Variants in HS3ST5 observed in about 807,000 individuals in gnomAD.
The protein encoded by HS3ST5 is heparan sulfate glucosamine 3-O-sulfotransferase 5.
A neutral mutation model predicts 25.4 loss-of-function variants in HS3ST5; 10 were observed. That is an observed-to-expected ratio of 0.39 (90% CI 0.24 to 0.67). HS3ST5 has a LOEUF of 0.67. HS3ST5 is among the 30% of genes least tolerant of loss of function. HS3ST5 has a pLI of 0.44. For synonymous variants in HS3ST5, 170 were observed against 162.4 expected, an observed-to-expected ratio of 1.05 and a Z score of -0.36; for missense variants, 324 against 420.7, an observed-to-expected ratio of 0.77 and a Z score of 2.01.
intron 3 of HS3ST5, among the ~76,000 whole-genome samples, chr6:114,163,820 C>G (rs7762243): frequency 0.079 from 12,075 of 152,076 alleles, 560 homozygotes; most frequent in African/African-American, 0.12. Flanking sequence ...TTTTTCACTC[C>G]TAGCCTCTCT....
At chr6:114,142,536 G>C (rs1777961584) in intron 3 of HS3ST5, among the ~76,000 whole-genome samples, 1 of 152,148 alleles carries the variant, frequency 6.6e-6, no homozygotes, top group Admixed American at 6.5e-5. Context: ...AGCCTTGTGA[G>C]CCAGACAGAA....
intron 3 of HS3ST5, among the ~76,000 whole-genome samples, chr6:114,126,282 T>A (rs1336859635): frequency 2.6e-5 from 4 of 152,112 alleles, no homozygotes; most frequent in Admixed American, 2.6e-4. Context: ...CATTCATAAA[T>A]AGTAATTCAA....
At chr6:114,148,434 C>A (rs1169166859) in intron 3 of HS3ST5, among the ~76,000 whole-genome samples, 10 of 152,162 alleles carry the variant, frequency 6.6e-5, no homozygotes, top group Admixed American at 3.3e-4. Context: ...GCCTGGCCAA[C>A]ATGGTGAAAC....
chr6:114,156,232 A>G (rs1778691869), intron 3 of HS3ST5, among the ~76,000 whole-genome samples: 1 of 152,170 alleles, frequency 6.6e-6, no homozygotes, highest in Non-Finnish European at 1.5e-5. Flanking sequence ...AATCTCCAAA[A>G]GGAATTTCTC....
chr6:114,066,157 T>C (rs755454391), intron 3 of HS3ST5, among the ~76,000 whole-genome samples: 10 of 152,214 alleles, frequency 6.6e-5, no homozygotes, highest in Non-Finnish European at 5.9e-5. Flanking sequence ...TATCATCATC[T>C]CCTAGCAATG....
intron 1 of HS3ST5, among the ~76,000 whole-genome samples, chr6:114,294,189 A>G (rs943422009): frequency 6.6e-6 from 1 of 152,180 alleles, no homozygotes; most frequent in Non-Finnish European, 1.5e-5. Context: ...AGGAGATGCC[A>G]TTGGGAAAAG....
chr6:114,228,165 G>A (rs1014718722), intron 2 of HS3ST5, among the ~76,000 whole-genome samples: 2 of 152,114 alleles, frequency 1.3e-5, no homozygotes, highest in African/African-American at 4.8e-5. Flanking sequence ...TTGTGAGTGG[G>A]TAAATGTAAA....
At chr6:114,217,214 C>A (rs1781812699) in intron 2 of HS3ST5, among the ~76,000 whole-genome samples, 1 of 152,176 alleles carries the variant, frequency 6.6e-6, no homozygotes, top group Non-Finnish European at 1.5e-5. Context: ...AAGGTCTTGC[C>A]AACCATGCCC....
chr6:114,058,294 TTCC>T, intron 4 of HS3ST5, 104 bp from the exon 5 acceptor site: 1 of 810,254 alleles, frequency 1.2e-6, no homozygotes, highest in Non-Finnish European at 1.9e-6. Context: ...AAGCCACTGG[TTCC>T]CAGCCTGCTG....
chr6:114,341,254 A>AGAGAGAGAGAGAGAGAGAGAGAGT (rs1554229610), intron 1 of HS3ST5, among the ~76,000 whole-genome samples: 1 of 149,674 alleles, frequency 6.7e-6, no homozygotes, highest in Non-Finnish European at 1.5e-5. Context: ...AGAGAGAGAG[A>AGAGAGAGAGAGAGAGAGAGAGAGT]GAGAGAGTGA....
At chr6:114,311,628 C>T (rs754923832) in intron 1 of HS3ST5, among the ~76,000 whole-genome samples, 11 of 147,358 alleles carry the variant, frequency 7.5e-5, no homozygotes, top group African/African-American at 2.5e-4. Flanking sequence ...CTGCAACCTC[C>T]GCCTCCCAGG....
At chr6:114,316,753 T>C (rs1051338948) in intron 1 of HS3ST5, among the ~76,000 whole-genome samples, 2 of 152,330 alleles carry the variant, frequency 1.3e-5, no homozygotes, top group African/African-American at 2.4e-5. Context: ...AACAAGTCAA[T>C]TGAATCAACA....
chr6:114,342,511 C>G lies in HS3ST5; in HGVS notation c.-655G>C, dbSNP rs1776929881. On this transcript the variant is annotated 5_prime_UTR_variant, in exon 1 of 5. Transcript: ENST00000312719. ...GCGAGAAGTAGTGGAGTTTAGGGCGCGTTTCCTGCACTTCCCCGAGAGGCT... is the reference window on the plus strand; with the variant it reads ...GCGAGAAGTAGTGGAGTTTAGGGCGGGTTTCCTGCACTTCCCCGAGAGGCT... The G allele has an allele frequency of 6.3e-6, 1 of 159,690 alleles. No individual in the cohort carries two copies. Among genetic ancestry groups the G allele is most frequent in the African/African-American group, 2.4e-5 (1 of 41,476 alleles). 9.9% of individuals were successfully genotyped at this position (159,690 alleles called of 1,614,324 possible). A position where few individuals can be genotyped will look rare whatever the true frequency, so the allele number is the denominator to read the frequency against.
intron 1 of HS3ST5, among the ~76,000 whole-genome samples, chr6:114,243,811 T>C (rs1477959511): frequency 1.3e-5 from 2 of 152,214 alleles, no homozygotes; most frequent in African/African-American, 4.8e-5. Context: ...GTTTGTCTTA[T>C]TACACTGACT....
chr6:114,252,378 G>A (rs1772703545), intron 1 of HS3ST5, among the ~76,000 whole-genome samples: 1 of 152,142 alleles, frequency 6.6e-6, no homozygotes, highest in Admixed American at 6.5e-5. Context: ...AAATTATGGT[G>A]ACCCTCAAAA....
intron 3 of HS3ST5, among the ~76,000 whole-genome samples, chr6:114,108,938 G>A (rs752887925): frequency 6.6e-6 from 1 of 152,168 alleles, no homozygotes; most frequent in Admixed American, 6.5e-5. Context: ...TGAGGCTGGT[G>A]GATGGCTTGA....
chr6:114,281,384 T>A (rs893940999), intron 1 of HS3ST5, among the ~76,000 whole-genome samples: 3 of 152,082 alleles, frequency 2.0e-5, no homozygotes, highest in African/African-American at 7.2e-5. Flanking sequence ...TTAAAGGTTG[T>A]CCTAAATGTA....
At chr6:114,170,115 T>C (rs1165650321) in intron 2 of HS3ST5, among the ~76,000 whole-genome samples, 1 of 152,174 alleles carries the variant, frequency 6.6e-6, no homozygotes, top group Non-Finnish European at 1.5e-5. Context: ...GAGAGCCCTT[T>C]AAAAGACATT....
chr6:114,149,418 CA>C (rs1778342420), intron 3 of HS3ST5, among the ~76,000 whole-genome samples: 1 of 152,164 alleles, frequency 6.6e-6, no homozygotes. Context: ...AGGATGAGTT[CA>C]TGTCCTTTGC....
Sources: gnomAD v4.1 joint callset for allele counts (sites outside exome capture counted in the v4.1 genomes callset) on GRCh38, gnomAD v4.1.1 for gene constraint, MANE v1.5 for transcripts, NCBI Gene and HGNC (gene_info 2026-07-23, HGNC 2026-07-21) for gene names.